SPAG16: variants seen among roughly 807,000 people sequenced by gnomAD.
SPAG16 encodes the protein sperm associated antigen 16, also known as sperm-associated antigen 16 protein.
A neutral mutation model predicts 80.4 loss-of-function variants in SPAG16; 86 were observed. The observed-to-expected ratio is 1.07, with a 90% CI of 0.90 to 1.28. The LOEUF is 1.28. Among genes scored for constraint, SPAG16 ranks in the 50% most tolerant of loss-of-function variants. SPAG16 has a pLI of 0.00. For missense variants in SPAG16, 870 were observed against 765.3 expected (o/e 1.14, Z -1.61); for synonymous variants, 294 against 265.9 (o/e 1.11, Z -1.03).
intron 15 of SPAG16, among the ~76,000 whole-genome samples, chr2:214,184,837 G>A (rs1361171075): frequency 2.0e-5 from 3 of 151,874 alleles, no homozygotes; most frequent in African/African-American, 7.3e-5. Flanking sequence ...AAATTTTAGG[G>A]AAATAGTCTT....
At position 213,922,654 on chromosome 2, in the gene SPAG16, G is replaced by T. The variant is rs4673795; in HGVS notation, c.1215-7306G>T. 6.6e-5 allele frequency among the ~76,000 whole-genome samples: 10 copies of T among 152,098 alleles called. No homozygotes were observed. The South Asian group carries it at 1.5e-3, about 22-fold the overall frequency. On this transcript the variant is annotated intron_variant, in intron 11 of 15. Coordinates refer to ENST00000331683, the MANE Select transcript of SPAG16 (RefSeq NM_024532.5). ...TCACTGGCTTTTTCTAATTTGTGTG[G>T]GCTGATGTTCCTTCAGTCTTTAAAG...
At chr2:213,875,594 A>G (rs764388359) in intron 11 of SPAG16, among the ~76,000 whole-genome samples, 1 of 152,174 alleles carries the variant, frequency 6.6e-6, no homozygotes, top group South Asian at 2.1e-4. Flanking sequence ...ATAAAACTTT[A>G]ATTTCACTCT....
chr2:214,039,837 TCAAA>T (rs2048912107), intron 13 of SPAG16, among the ~76,000 whole-genome samples: 1 of 152,342 alleles, frequency 6.6e-6, no homozygotes, highest in East Asian at 1.9e-4. Flanking sequence ...GAGTTATTAC[TCAAA>T]CAACCTCTCT....
At chr2:213,545,075 G>T (rs1243873405) in intron 10 of SPAG16, among the ~76,000 whole-genome samples, 1 of 152,066 alleles carries the variant, frequency 6.6e-6, no homozygotes, top group Non-Finnish European at 1.5e-5. Context: ...TTCCAAAGTG[G>T]CTGTACCATT....
At chr2:214,081,808 A>AT (rs2051407931) in intron 13 of SPAG16, among the ~76,000 whole-genome samples, 1 of 150,368 alleles carries the variant, frequency 6.7e-6, no homozygotes, top group Non-Finnish European at 1.5e-5. Context: ...ACATTGCAAC[A>AT]TTTTTTAGTG....
At chr2:214,256,100 C>T (rs1334588357) in intron 15 of SPAG16, among the ~76,000 whole-genome samples, 1 of 151,906 alleles carries the variant, frequency 6.6e-6, no homozygotes, top group Admixed American at 6.6e-5. Context: ...TCCACATCCT[C>T]ACCATCATTT....
chr2:214,123,091 A>G (rs1576281078), intron 14 of SPAG16, among the ~76,000 whole-genome samples: 1 of 152,054 alleles, frequency 6.6e-6, no homozygotes, highest in East Asian at 1.9e-4. Context: ...AAGTAAAGCA[A>G]AAGAAAAGCA....
At chr2:213,643,572 G>A (rs917224201) in intron 10 of SPAG16, among the ~76,000 whole-genome samples, 12 of 148,414 alleles carry the variant, frequency 8.1e-5, no homozygotes, top group Admixed American at 2.7e-4. Context: ...AAAGTTCTCC[G>A]TTATTATCCC....
At chr2:213,546,785 G>A (rs991609062) in intron 10 of SPAG16, among the ~76,000 whole-genome samples, 2 of 152,108 alleles carry the variant, frequency 1.3e-5, no homozygotes, top group African/African-American at 4.8e-5. Context: ...AGAAATAAGA[G>A]TGAGACTTGT....
chr2:213,350,758 C>T lies in SPAG16; in HGVS notation c.762+113C>T, dbSNP rs1023615745. 1.1e-5 allele frequency: 7 copies of T among 624,650 alleles called. No individual in the cohort carries two copies. The African/African-American group carries it at 1.1e-4, about 10-fold the overall frequency. 38.7% of individuals were successfully genotyped at this position (624,650 alleles called of 1,614,324 possible). A position where few individuals can be genotyped will look rare whatever the true frequency, so the allele number is the denominator to read the frequency against. On this transcript the variant is annotated intron_variant, in intron 7 of 15. Coordinates refer to ENST00000331683, the MANE Select transcript of SPAG16 (RefSeq NM_024532.5). ...TTAATTTTAAAACATTTTCAACCAA[C>T]TTTCATGTAAAAGAGATCCATTTGG...
chr2:214,236,160 C>G (rs1415801940), intron 15 of SPAG16, among the ~76,000 whole-genome samples: 3 of 152,154 alleles, frequency 2.0e-5, no homozygotes, highest in African/African-American at 7.2e-5. Context: ...GTCTTGCTAA[C>G]TCAGATCAAT....
intron 10 of SPAG16, among the ~76,000 whole-genome samples, chr2:213,496,924 AAAC>A (rs2074519086): frequency 6.6e-6 from 1 of 151,590 alleles, no homozygotes; most frequent in South Asian, 2.1e-4. Context: ...CATCCCATCA[AAAC>A]AAACAAACAA....
At chr2:214,373,850 G>A (rs1363203823) in intron 15 of SPAG16, among the ~76,000 whole-genome samples, 3 of 152,120 alleles carry the variant, frequency 2.0e-5, no homozygotes, top group African/African-American at 7.2e-5. Context: ...GGTTATATTT[G>A]AAAGAATGTG....
chr2:214,121,619 C>T (rs13035979), intron 14 of SPAG16, among the ~76,000 whole-genome samples: 17,860 of 151,758 alleles, frequency 0.12, 1,274 homozygotes, highest in East Asian at 0.29. Context: ...GAAGATGGTA[C>T]TACTGCTACT....
intron 10 of SPAG16, among the ~76,000 whole-genome samples, chr2:213,512,872 T>G (rs2075279936): frequency 6.6e-6 from 1 of 152,060 alleles, no homozygotes; most frequent in Non-Finnish European, 1.5e-5. Context: ...ATTATGGCAC[T>G]CCCACCAAGA....
At chr2:213,415,767 T>C (rs1444170000) in intron 9 of SPAG16, among the ~76,000 whole-genome samples, 3 of 152,176 alleles carry the variant, frequency 2.0e-5, no homozygotes, top group Non-Finnish European at 2.9e-5. Context: ...TTGGGACATC[T>C]GAGTAAAGCT....
intron 15 of SPAG16, among the ~76,000 whole-genome samples, chr2:214,197,794 T>C (rs538241199): frequency 7.7e-4 from 117 of 152,044 alleles, no homozygotes; most frequent in Non-Finnish European, 1.4e-3. Flanking sequence ...CCTGTGTTTT[T>C]TATATGTGTT....
intron 15 of SPAG16, among the ~76,000 whole-genome samples, chr2:214,296,561 G>C (rs1242683814): frequency 6.6e-6 from 1 of 152,054 alleles, no homozygotes; most frequent in East Asian, 1.9e-4. Flanking sequence ...GTGGTTTTTT[G>C]ACTTTTTAAT....
chr2:213,378,448 G>A (rs1019012587), intron 9 of SPAG16, among the ~76,000 whole-genome samples: 18 of 152,018 alleles, frequency 1.2e-4, no homozygotes, highest in Non-Finnish European at 2.4e-4. Context: ...ACTATCCTTC[G>A]TACAACCAGA....
Sources: gnomAD v4.1 joint callset for allele counts (sites outside exome capture counted in the v4.1 genomes callset) on GRCh38, gnomAD v4.1.1 for gene constraint, MANE v1.5 for transcripts, NCBI Gene and HGNC (gene_info 2026-07-23, HGNC 2026-07-21) for gene names.